HECTD2: variants seen among roughly 807,000 people sequenced by gnomAD.
HECTD2 encodes the protein HECT domain E3 ubiquitin protein ligase 2, also known as probable E3 ubiquitin-protein ligase HECTD2.
HECTD2 carries 35 observed loss-of-function variants against 103.2 expected under a neutral mutation model. The ratio of observed to expected loss-of-function variants is 0.34; its 90% CI spans 0.26 to 0.45. The LOEUF (loss-of-function observed/expected upper bound fraction) is 0.45. HECTD2 is among the 20% of genes least tolerant of loss of function. HECTD2 has a pLI of 1.00. For synonymous variants in HECTD2, 281 were observed against 329.9 expected (o/e 0.85, Z 1.61); for missense variants, 596 against 937.4 (o/e 0.64, Z 4.76).
Position 91,498,778 on chromosome 10 carries a change from G to A in HECTD2, c.1756-94G>A, listed in dbSNP as rs1449761330. ...TAGTTTATGTGTTTAGAAGGAAGGG[G>A]GAAAAAAACTGTTTTTTAAATTTTA... is the stretch of plus-strand genomic sequence containing the variant. On this transcript the variant is annotated intron_variant, in intron 16 of 20. Coordinates refer to ENST00000298068, the MANE Select transcript of HECTD2 (RefSeq NM_182765.6). The A allele has an allele frequency of 5.8e-6, 4 of 689,868 alleles. No individual in the cohort carries two copies. In the Admixed American group the frequency reaches 1.1e-4, roughly 20 times the overall value. 42.7% of individuals were successfully genotyped at this position (689,868 alleles called of 1,614,324 possible).
At chr10:91,431,331 G>C (rs1038699054) in intron 2 of HECTD2, among the ~76,000 whole-genome samples, 2 of 151,744 alleles carry the variant, frequency 1.3e-5, no homozygotes, top group African/African-American at 2.4e-5. Context: ...TTCATTTCAA[G>C]TTTGGTGAAT....
intron 8 of HECTD2, 84 bp downstream of exon 8, chr10:91,483,160 A>G (rs1356380985): frequency 1.1e-5 from 6 of 536,772 alleles, no homozygotes; most frequent in Admixed American, 3.6e-5. Context: ...AAATATATTT[A>G]AATATTTTCA....
At chr10:91,435,077 C>T (rs954480520) in intron 2 of HECTD2, among the ~76,000 whole-genome samples, 2 of 151,868 alleles carry the variant, frequency 1.3e-5, no homozygotes, top group African/African-American at 4.8e-5. Flanking sequence ...ATGCAGAAGA[C>T]TATAATCAAC....
chr10:91,454,601 G>C (rs1223295553), intron 2 of HECTD2, among the ~76,000 whole-genome samples: 1 of 151,878 alleles, frequency 6.6e-6, no homozygotes, highest in Non-Finnish European at 1.5e-5. Context: ...TTAAGTTCTA[G>C]GGTACATGTG....
At position 91,460,551 on chromosome 10, in the gene HECTD2, T is replaced by C; in HGVS notation, c.393T>C (p.Thr131=). The change falls in exon 3 of 21, where the codon ACT becomes ACC. Residue 131 remains threonine (T), a synonymous_variant. Coordinates refer to ENST00000298068, the MANE Select transcript of HECTD2 (RefSeq NM_182765.6). ...CTATTCTTCCTATCCAGCCCAAAAC[T>C]GTGAAAGACTTTCAGTAAGTTTCAG... is the stretch of plus-strand genomic sequence containing the variant. ...PEPILPIQPK[T]VKDFQEDVEK... 6.2e-7 allele frequency: 1 copy of C among 1,608,312 alleles called. No individual in the cohort carries two copies. Among genetic ancestry groups the C allele is most frequent in the Non-Finnish European group, 8.5e-7 (1 of 1,177,998 alleles).
intron 1 of HECTD2, among the ~76,000 whole-genome samples, chr10:91,419,414 C>CT (rs930134260): frequency 6.6e-6 from 1 of 151,944 alleles, no homozygotes; most frequent in Admixed American, 6.6e-5. Flanking sequence ...AACAGGTACT[C>CT]TAAGTGTTTG....
intron 20 of HECTD2, among the ~76,000 whole-genome samples, chr10:91,505,219 G>A (rs989794365): frequency 9.2e-5 from 14 of 151,496 alleles, no homozygotes; most frequent in African/African-American, 2.7e-4. Context: ...ATCAACTAAC[G>A]AGCAAAGTAA....
chr10:91,411,908 T>A (rs1239569458), intron 1 of HECTD2, among the ~76,000 whole-genome samples: 1 of 152,196 alleles, frequency 6.6e-6, no homozygotes, highest in Non-Finnish European at 1.5e-5. Flanking sequence ...CATTTCTAAG[T>A]TGGTTGTTTA....
At chr10:91,410,129 G>A, upstream of HECTD2, among the ~76,000 whole-genome samples, 1 of 151,870 alleles carries the variant, frequency 6.6e-6, no homozygotes, top group South Asian at 2.1e-4. Context: ...CCGGGCCCTC[G>A]GGGTTGACGA....
intron 5 of HECTD2, 163 bp downstream of exon 5, chr10:91,462,347 C>A: frequency 1.8e-6 from 2 of 1,096,082 alleles, no homozygotes; most frequent in Non-Finnish European, 2.4e-6. Context: ...TTATTTTATT[C>A]TTTTATTTTT....
At chr10:91,444,996 A>G (rs1276893929) in intron 2 of HECTD2, among the ~76,000 whole-genome samples, 2 of 152,200 alleles carry the variant, frequency 1.3e-5, no homozygotes, top group African/African-American at 4.8e-5. Context: ...ACTAGAAGCC[A>G]ATGTAAGAAG....
At chr10:91,458,756 C>T (rs772873773) in intron 2 of HECTD2, among the ~76,000 whole-genome samples, 7 of 151,806 alleles carry the variant, frequency 4.6e-5, no homozygotes, top group Non-Finnish European at 8.8e-5. Flanking sequence ...GGATAATGGA[C>T]TTAAATGTTA....
intron 2 of HECTD2, among the ~76,000 whole-genome samples, chr10:91,459,784 CT>C (rs1845265683): frequency 6.6e-6 from 1 of 151,540 alleles, no homozygotes; most frequent in East Asian, 1.9e-4. Flanking sequence ...TTTACTATAC[CT>C]TTTCTGTATT....
intron 18 of HECTD2, 126 bp from the exon 19 acceptor site, chr10:91,500,376 A>C: frequency 2.3e-6 from 1 of 435,774 alleles, no homozygotes; most frequent in East Asian, 3.9e-5. Context: ...ATTTTTCTTC[A>C]ACAAAAATGG....
chr10:91,423,830 C>A (rs1040326765), intron 1 of HECTD2, among the ~76,000 whole-genome samples: 4 of 152,062 alleles, frequency 2.6e-5, no homozygotes, highest in Non-Finnish European at 5.9e-5. Flanking sequence ...CTGTGATGAA[C>A]TTCTAGTCCA....
intron 5 of HECTD2, chr10:91,462,596 T>C (rs1239643451): frequency 4.2e-5 from 44 of 1,043,358 alleles, no homozygotes; most frequent in Non-Finnish European, 5.0e-5. Flanking sequence ...GAATTTTCAT[T>C]TGTAACAAGT....
At chr10:91,473,102 A>G (rs1845786447) in intron 5 of HECTD2, among the ~76,000 whole-genome samples, 1 of 152,220 alleles carries the variant, frequency 6.6e-6, no homozygotes, top group African/African-American at 2.4e-5. Context: ...CTGATGTAAG[A>G]CGTGAATCCA....
At chr10:91,454,781 C>G (rs1033624631) in intron 2 of HECTD2, among the ~76,000 whole-genome samples, 1 of 151,702 alleles carries the variant, frequency 6.6e-6, no homozygotes, top group Non-Finnish European at 1.5e-5. Flanking sequence ...CAAGTGTTCT[C>G]ATTGTTCAAT....
chr10:91,463,230 A>G (rs989455005), intron 5 of HECTD2: 2 of 152,122 alleles, frequency 1.3e-5, no homozygotes, highest in Non-Finnish European at 2.9e-5. Context: ...TGTATTCTAT[A>G]CTATATTGTT....
Sources: allele counts gnomAD v4.1 joint callset (sites outside exome capture counted in the v4.1 genomes callset), GRCh38; gene constraint gnomAD v4.1.1; transcripts MANE v1.5; gene names NCBI Gene and HGNC (gene_info 2026-07-23, HGNC 2026-07-21).